Variants in PRCC observed in about 807,000 individuals in gnomAD.
The protein encoded by PRCC is proline-rich protein PRCC.
A neutral mutation model predicts 44.0 loss-of-function variants in PRCC; 10 were observed. The ratio of observed to expected loss-of-function variants is 0.23; its 90% CI spans 0.14 to 0.39. The LOEUF (loss-of-function observed/expected upper bound fraction) is 0.39. PRCC is among the 10% of genes least tolerant of loss of function. PRCC has a pLI of 1.00. For missense variants in PRCC, 573 were observed against 624.7 expected (o/e 0.92, Z 0.88); for synonymous variants, 278 against 259.5 (o/e 1.07, Z -0.69).
chr1:156,769,023 T>C (rs1651524975), intron 1 of PRCC, among the ~76,000 whole-genome samples: 1 of 151,710 alleles, frequency 6.6e-6, no homozygotes, highest in Non-Finnish European at 1.5e-5. Flanking sequence ...TACCTGTTTC[T>C]ATATGTGACA....
chr1:156,790,218 C>A (rs1331746316), intron 3 of PRCC, among the ~76,000 whole-genome samples: 3 of 152,250 alleles, frequency 2.0e-5, no homozygotes, highest in African/African-American at 7.2e-5. Context: ...CTGTTCTGAC[C>A]AAATACTTTG....
chr1:156,795,249 CTCCT>C (rs1266257595), intron 5 of PRCC, among the ~76,000 whole-genome samples: 1 of 109,912 alleles, frequency 9.1e-6, no homozygotes, highest in Non-Finnish European at 1.9e-5. Flanking sequence ...TCCTCCTTTC[CTCCT>C]TCCTTCCTTC....
At chr1:156,770,868 A>G (rs1651608494) in intron 1 of PRCC, among the ~76,000 whole-genome samples, 1 of 152,252 alleles carries the variant, frequency 6.6e-6, no homozygotes, top group African/African-American at 2.4e-5. Context: ...CATTTCGTTC[A>G]ATTGATATTG....
intron 1 of PRCC, among the ~76,000 whole-genome samples, chr1:156,776,710 G>A (rs901779361): frequency 6.6e-6 from 1 of 152,122 alleles, no homozygotes; most frequent in Admixed American, 6.6e-5. Context: ...TTAAATTTGG[G>A]TAAAATTTGT....
chr1:156,782,261 C>G, intron 1 of PRCC, 21 bp from the exon 2 acceptor site: 2 of 1,586,720 alleles, frequency 1.3e-6, no homozygotes, highest in South Asian at 1.1e-5. Context: ...TGAGGCCTTA[C>G]TTCATTTCTT....
chr1:156,791,970 T>C (rs189059133), intron 4 of PRCC, among the ~76,000 whole-genome samples, 178 bp downstream of exon 4: 1 of 152,130 alleles, frequency 6.6e-6, no homozygotes, highest in African/African-American at 2.4e-5. Flanking sequence ...GGAAGTTAGT[T>C]TTTTTCTTCA....
chr1:156,767,834 G>A lies in PRCC; in HGVS notation c.63G>A (p.Pro21=). The A allele has an allele frequency of 6.2e-7, 1 of 1,610,298 alleles. No individual in the cohort carries two copies. Reference sequence around the variant, plus strand: ...AGCCGGATGAGGCTGAGCCCGAGCCGGAGGAAGAGGAGGCGGTGGCTCCTA... The same window carrying A: ...AGCCGGATGAGGCTGAGCCCGAGCCAGAGGAAGAGGAGGCGGTGGCTCCTA... The part of the protein sequence containing the change: ...ESEPDEAEPE[P]EEEEAVAPTS... The change falls in exon 1 of 7, where the codon CCG becomes CCA. Residue 21 remains proline (P), a synonymous_variant. Transcript: ENST00000271526.
rs1652607255 is a variant in PRCC at position 156,794,947 on chromosome 1, G to A, written c.1323+139G>A. On this transcript the variant is annotated intron_variant, in intron 5 of 6. Coordinates refer to ENST00000271526, the MANE Select transcript of PRCC (RefSeq NM_005973.5). Reference sequence around the variant, plus strand: ...AACACATTTTGCCCATGGTACTGGAGTATGCACTAAACCTCACAGATACAG... The same window carrying A: ...AACACATTTTGCCCATGGTACTGGAATATGCACTAAACCTCACAGATACAG... 3.7e-6 allele frequency: 4 copies of A among 1,080,910 alleles called. No homozygotes were observed. In the Admixed American group the frequency reaches 7.4e-5, roughly 20 times the overall value. The allele number at this position is 1,080,910 out of a possible 1,614,324, so 67.0% of individuals were successfully genotyped here.
Position 156,786,894 on chromosome 1 carries a change from A to G in PRCC, c.803A>G (p.Asp268Gly). Residue 268 changes from aspartate (D) to glycine (G), a missense_variant, in exon 3 of 7, where the codon GAT becomes GGT. Asp to Gly is a moderately conservative substitution (Grantham distance 94, BLOSUM62 -1). Coordinates refer to ENST00000271526, the MANE Select transcript of PRCC (RefSeq NM_005973.5). ...ATCACGCAGGAAGAAGACGACAGTG[A>G]TGAGGAAGTAGCCCCCGAAAACTTT... ...KQITQEEDDS[D>G]EEVAPENFFS... The G allele has an allele frequency of 1.2e-6, 2 of 1,614,240 alleles. No homozygotes were observed. Among genetic ancestry groups the G allele is most frequent in the African/African-American group, 1.3e-5 (1 of 75,066 alleles).
chr1:156,791,576 G>A, intron 3 of PRCC, 121 bp from the exon 4 acceptor site: 3 of 838,736 alleles, frequency 3.6e-6, no homozygotes, highest in Non-Finnish European at 5.6e-6. Context: ...TGAGGAAGCT[G>A]TAGTATAGCT....
intron 1 of PRCC, among the ~76,000 whole-genome samples, chr1:156,776,477 T>TG (rs1016428052): frequency 1.8e-4 from 27 of 152,002 alleles, no homozygotes; most frequent in South Asian, 6.2e-4. Context: ...GGTTTTTTTT[T>TG]TGTGTGTGTG....
chr1:156,771,912 T>C (rs1486984564), intron 1 of PRCC, among the ~76,000 whole-genome samples: 1 of 152,216 alleles, frequency 6.6e-6, no homozygotes, highest in Non-Finnish European at 1.5e-5. Flanking sequence ...TGGGGATCTC[T>C]ACACAGCTGT....
intron 2 of PRCC, among the ~76,000 whole-genome samples, chr1:156,783,778 A>G (rs77329579): frequency 0.033 from 5,082 of 151,788 alleles, 285 homozygotes; most frequent in African/African-American, 0.12. Flanking sequence ...AAAATAAAAT[A>G]AAATAAAATA....
At position 156,776,468 on chromosome 1, in the gene PRCC, GT is replaced by G. The variant is rs201085654; in HGVS notation, c.469-5804del. On this transcript the variant is annotated intron_variant, in intron 1 of 6. Coordinates refer to ENST00000271526, the MANE Select transcript of PRCC (RefSeq NM_005973.5). The stretch of plus-strand genomic sequence containing the variant: ...AGACTGTTCCGAAGTCTTTATAGAG[GT>G]TTTTTTTTTGTGTGTGTGCTTTTAA... Among the ~76,000 whole-genome samples the G allele has an allele frequency of 8.6e-4, 128 of 148,424 alleles. 3 individuals carry two copies. In the East Asian group the frequency reaches 0.019, roughly 22 times the overall value.
chr1:156,799,393 T>C (rs1652768403), intron 6 of PRCC, among the ~76,000 whole-genome samples: 1 of 152,240 alleles, frequency 6.6e-6, no homozygotes, highest in East Asian at 1.9e-4. Context: ...CCTGTGCAGC[T>C]CAAACTCATG....
intron 5 of PRCC, chr1:156,797,007 G>A: frequency 2.4e-6 from 1 of 412,292 alleles, no homozygotes; most frequent in Non-Finnish European, 4.5e-6. Context: ...AGACGCAGAA[G>A]ACAGTCCTGA....
chr1:156,799,926 C>T (rs1434950370), intron 6 of PRCC, among the ~76,000 whole-genome samples: 2 of 152,134 alleles, frequency 1.3e-5, no homozygotes, highest in Admixed American at 1.3e-4. Context: ...TATCTCCAGG[C>T]TAAGCAATTG....
At chr1:156,781,259 A>G (rs1344037420) in intron 1 of PRCC, among the ~76,000 whole-genome samples, 4 of 152,204 alleles carry the variant, frequency 2.6e-5, no homozygotes, top group Non-Finnish European at 5.9e-5. Flanking sequence ...TGTCTTGAAT[A>G]TAATAGGTAA....
intron 1 of PRCC, among the ~76,000 whole-genome samples, chr1:156,776,624 AC>A (rs1444589776): frequency 6.6e-6 from 1 of 152,246 alleles, no homozygotes; most frequent in Non-Finnish European, 1.5e-5. Flanking sequence ...TTACAGTCTT[AC>A]AGTAGCCACT....
Sources: gnomAD v4.1 joint callset for allele counts (sites outside exome capture counted in the v4.1 genomes callset) on GRCh38, gnomAD v4.1.1 for gene constraint, MANE v1.5 for transcripts, NCBI Gene and HGNC (gene_info 2026-07-23, HGNC 2026-07-21) for gene names.